SPTBN1: variants seen among roughly 807,000 people sequenced by gnomAD.
The protein encoded by SPTBN1 is spectrin beta, non-erythrocytic 1, also known as spectrin beta chain, non-erythrocytic 1.
In SPTBN1, 32 loss-of-function variants were observed where a neutral mutation model predicts 266.4. The observed-to-expected ratio is 0.12, with a 90% CI of 0.09 to 0.16. The LOEUF (loss-of-function observed/expected upper bound fraction) is 0.16, where lower values mean the gene tolerates loss of function less well. SPTBN1 is among the 10% of genes least tolerant of loss of function. The pLI is 1.00. For synonymous variants in SPTBN1, 1,336 were observed against 1,162.2 expected, an observed-to-expected ratio of 1.15 and a Z score of -3.04; for missense variants, 2,296 against 3,067.1, an observed-to-expected ratio of 0.75 and a Z score of 5.94.
Position 54,628,974 on chromosome 2 carries a change from G to T in SPTBN1, c.1840G>T (p.Ala614Ser), listed in dbSNP as rs2103921906. Residue 614 changes from alanine to serine, a missense_variant, in exon 14 of 36, where the codon GCC (alanine) becomes TCC (serine). By Grantham distance (99) the Ala-to-Ser change is moderately conservative. Around this residue, in one of 12 missense-constraint regions of SPTBN1, gnomAD observed 434 missense variants for 573.9 expected, o/e 0.76. Transcript: ENST00000356805. The surrounding 1 kb of genome is among the most constrained non-coding windows in gnomAD (Gnocchi z 4.3). ...CCCCCAGGTGATCCGAGACCGCGTG[G>T]CCCACATGGAGTTCTGTTATCAAGA... is the stretch of plus-strand genomic sequence containing the variant. ...CDPQVIRDRVAHMEFCYQELC... is the reference protein window; with the variant it reads ...CDPQVIRDRVSHMEFCYQELC... The T allele has an allele frequency of 6.2e-7, 1 of 1,613,232 alleles. No individual in the cohort carries two copies.
Position 54,585,913 on chromosome 2 carries a change from G to T in SPTBN1, c.149-13179G>T, listed in dbSNP as rs183516962. ...AGTTGAAAATATAACCGTGGATTGG[G>T]TCAGCCTATCATTCAATAAATTACT... On this transcript the variant is annotated intron_variant, in intron 2 of 35. Transcript: ENST00000356805. Among the ~76,000 whole-genome samples the T allele has an allele frequency of 3.9e-5, 6 of 152,286 alleles. No homozygotes were observed. In the East Asian group the frequency reaches 1.2e-3, roughly 29 times the overall value.
At chr2:54,557,931 C>T (rs1672986320) in intron 2 of SPTBN1, 5 of 985,406 alleles carry the variant, frequency 5.1e-6, no homozygotes, top group Non-Finnish European at 6.0e-6. Flanking sequence ...GGCGCCAGCG[C>T]ACTGGGGCAG....
chr2:54,494,862 A>G (rs2104050892), intron 1 of SPTBN1, among the ~76,000 whole-genome samples: 1 of 152,234 alleles, frequency 6.6e-6, no homozygotes, highest in South Asian at 2.1e-4. Flanking sequence ...AACTTGCCAA[A>G]TTGTGTAATA....
At chr2:54,500,017 T>C (rs1669167197) in intron 1 of SPTBN1, among the ~76,000 whole-genome samples, 1 of 152,250 alleles carries the variant, frequency 6.6e-6, no homozygotes, top group Non-Finnish European at 1.5e-5. Context: ...ATAATTCTTT[T>C]TACGTTTGTA....
chr2:54,603,517 C>G (rs1676633437), intron 3 of SPTBN1, among the ~76,000 whole-genome samples: 1 of 152,204 alleles, frequency 6.6e-6, no homozygotes, highest in African/African-American at 2.4e-5. Flanking sequence ...CTGCAGCCCA[C>G]CCTGCTGACT....
chr2:54,661,934 T>C (rs1681074718), intron 32 of SPTBN1: 1 of 985,434 alleles, frequency 1.0e-6, no homozygotes, highest in Non-Finnish European at 1.2e-6. Flanking sequence ...AAAATTTTAA[T>C]TACAATTGGC....
intron 3 of SPTBN1, among the ~76,000 whole-genome samples, chr2:54,599,750 C>T (rs1676354286): frequency 6.6e-6 from 1 of 152,278 alleles, no homozygotes. Context: ...TTGTCATCTC[C>T]TTGGGAAAGG....
At chr2:54,605,839 C>G (rs1335094966) in intron 3 of SPTBN1, among the ~76,000 whole-genome samples, 1 of 152,166 alleles carries the variant, frequency 6.6e-6, no homozygotes, top group African/African-American at 2.4e-5. Context: ...TATTCTGTGG[C>G]TTGCTGGTTT....
chr2:54,476,701 C>G (rs545698411), intron 1 of SPTBN1, among the ~76,000 whole-genome samples: 1 of 152,130 alleles, frequency 6.6e-6, no homozygotes, highest in Admixed American at 6.5e-5. Flanking sequence ...TGTTCTCATA[C>G]AAAGCAAGTA....
At chr2:54,486,644 C>G (rs1040018622) in intron 1 of SPTBN1, among the ~76,000 whole-genome samples, 1 of 151,952 alleles carries the variant, frequency 6.6e-6, no homozygotes, top group Admixed American at 6.6e-5. Flanking sequence ...TGTTTATCTG[C>G]TGACCTTCCC....
Position 54,645,360 on chromosome 2 carries a change from C to T in SPTBN1, c.4401C>T (p.Phe1467=), listed in dbSNP as rs747503697. The T allele has an allele frequency of 1.8e-5, 29 of 1,614,098 alleles. No individual in the cohort carries two copies. The highest frequency in any genetic ancestry group is 3.4e-6 in the Non-Finnish European group (4 of 1,180,044). ...DSKRLTVQTK[F]MELLEPLNER... ...AGCGCCTCACCGTGCAGACCAAGTT[C>T]ATGGAGTTGCTGGAGCCCTTGAACG... is the stretch of plus-strand genomic sequence containing the variant. The change falls in exon 21 of 36, where the codon TTC becomes TTT. Residue 1467 remains phenylalanine (F), a synonymous_variant. Transcript: ENST00000356805. This position sits in a 1 kb window ranked among gnomAD's most constrained non-coding sequence, Gnocchi z 4.3.
At chr2:54,660,357 A>C in intron 32 of SPTBN1, 1 of 1,208,994 alleles carries the variant, frequency 8.3e-7, no homozygotes, top group Admixed American at 4.0e-5. Context: ...ATTGAAATGA[A>C]ATTAAATGAG....
intron 32 of SPTBN1, chr2:54,661,774 G>T: frequency 2.0e-6 from 2 of 985,196 alleles, no homozygotes; most frequent in Non-Finnish European, 2.4e-6. Context: ...TGTATCATCA[G>T]GACTGACACC....
At chr2:54,603,221 G>A (rs1676613339) in intron 3 of SPTBN1, among the ~76,000 whole-genome samples, 1 of 152,134 alleles carries the variant, frequency 6.6e-6, no homozygotes. Context: ...CACAGGCCGG[G>A]CAGCCAGAGT....
chr2:54,607,165 A>C (rs921871040), intron 3 of SPTBN1, among the ~76,000 whole-genome samples: 3 of 152,246 alleles, frequency 2.0e-5, no homozygotes, highest in African/African-American at 7.2e-5. Context: ...CTGGTTCTGC[A>C]TCTGCAGATT....
At chr2:54,655,448 C>T (rs767884221) in intron 28 of SPTBN1, among the ~76,000 whole-genome samples, 41 of 152,220 alleles carry the variant, frequency 2.7e-4, no homozygotes, top group Admixed American at 1.2e-3. Context: ...TCCGCATCCT[C>T]CCCAATCAGT....
At chr2:54,542,821 T>C (rs1672015467) in intron 2 of SPTBN1, among the ~76,000 whole-genome samples, 1 of 152,180 alleles carries the variant, frequency 6.6e-6, no homozygotes, top group Admixed American at 6.5e-5. Flanking sequence ...GGAATTTGGT[T>C]TGGGTTCTGT....
At chr2:54,526,185 C>T (rs1459282569) in intron 1 of SPTBN1, among the ~76,000 whole-genome samples, 187 bp from the exon 2 acceptor site, 2 of 152,212 alleles carry the variant, frequency 1.3e-5, no homozygotes, top group Non-Finnish European at 2.9e-5. Flanking sequence ...CTTAGAGATA[C>T]TAAGTAACTT....
At chr2:54,588,826 C>G (rs1306899672) in intron 2 of SPTBN1, among the ~76,000 whole-genome samples, 1 of 152,200 alleles carries the variant, frequency 6.6e-6, no homozygotes, top group Admixed American at 6.5e-5. Flanking sequence ...TGAACAGTTA[C>G]TGAGAATTTT....
Sources: gnomAD v4.1 joint callset for allele counts (sites outside exome capture counted in the v4.1 genomes callset) on GRCh38, gnomAD v4.1.1 for gene constraint, gnomAD v4.1.1 regional missense constraint, Gnocchi (gnomAD v3.1) non-coding constraint, MANE v1.5 for transcripts, NCBI Gene and HGNC (gene_info 2026-07-23, HGNC 2026-07-21) for gene names.